The following CACNA2D1 variants were observed in gnomAD, a reference collection of about 807,000 sequenced individuals.
The protein encoded by CACNA2D1 is calcium voltage-gated channel auxiliary subunit alpha2delta 1.
In CACNA2D1, 53 loss-of-function variants were observed where a neutral mutation model predicts 171.5. That is an observed-to-expected ratio of 0.31 (90% CI 0.25 to 0.39). The LOEUF is 0.39. CACNA2D1 is among the 10% of genes least tolerant of loss of function. The pLI is 1.00. For synonymous variants in CACNA2D1, 442 were observed against 443.1 expected (o/e 1.00, Z 0.03); for missense variants, 903 against 1,299.8 (o/e 0.69, Z 4.69).
intron 1 of CACNA2D1, among the ~76,000 whole-genome samples, chr7:82,431,803 T>C (rs1442398526): frequency 1.3e-5 from 2 of 150,422 alleles, no homozygotes; most frequent in Non-Finnish European, 3.0e-5. Flanking sequence ...ACTTTGGAGG[T>C]TGAGGTGGGT....
At chr7:82,170,720 G>T in intron 3 of CACNA2D1, 111 bp from the exon 4 acceptor site, 2 of 927,704 alleles carry the variant, frequency 2.2e-6, no homozygotes, top group South Asian at 1.3e-5. Flanking sequence ...AGCAGAAGAT[G>T]ATCCTTATTT....
At chr7:82,197,044 GT>G (rs2129197766) in intron 3 of CACNA2D1, among the ~76,000 whole-genome samples, 1 of 152,008 alleles carries the variant, frequency 6.6e-6, no homozygotes, top group South Asian at 2.1e-4. Flanking sequence ...ATAAGAATCA[GT>G]GAAAAATTGT....
chr7:82,329,007 C>G (rs1387866545), intron 3 of CACNA2D1, among the ~76,000 whole-genome samples: 1 of 151,968 alleles, frequency 6.6e-6, no homozygotes, highest in Non-Finnish European at 1.5e-5. Flanking sequence ...TCTTGAGTTT[C>G]TTTCCACATT....
chr7:82,041,457 C>T (rs1803957463), intron 10 of CACNA2D1, among the ~76,000 whole-genome samples: 1 of 152,050 alleles, frequency 6.6e-6, no homozygotes, highest in Non-Finnish European at 1.5e-5. Context: ...TCTCCTTTAA[C>T]AATGAGGCAA....
intron 3 of CACNA2D1, among the ~76,000 whole-genome samples, chr7:82,240,020 G>T (rs1439149631): frequency 1.3e-5 from 2 of 152,152 alleles, no homozygotes; most frequent in African/African-American, 4.8e-5. Context: ...GCTTAGCTAA[G>T]AATTGACATA....
At chr7:82,248,709 G>A (rs3801705) in intron 3 of CACNA2D1, among the ~76,000 whole-genome samples, 62,964 of 151,752 alleles carry the variant, frequency 0.41, 13,567 homozygotes, top group African/African-American at 0.54. Context: ...TGATGCAGTA[G>A]ATCAAAATCC....
chr7:81,966,121 A>G (rs1199467150), intron 31 of CACNA2D1, among the ~76,000 whole-genome samples: 3 of 151,798 alleles, frequency 2.0e-5, no homozygotes, highest in Non-Finnish European at 4.4e-5. Flanking sequence ...ATTTATAATT[A>G]TTTCATATTT....
At chr7:81,964,765 T>C (rs186903743) in intron 32 of CACNA2D1, among the ~76,000 whole-genome samples, 1 of 152,018 alleles carries the variant, frequency 6.6e-6, no homozygotes, top group Admixed American at 6.6e-5. Flanking sequence ...TACTGTGTTG[T>C]CTACCAGAAA....
rs551797425 is a variant in CACNA2D1 at position 81,982,641 on chromosome 7, G to A, written c.1895-14C>T. ...GGGTTTCCGAATCTGCAAAGATAATGTTACAGGATTAGATAGGTAATTCAG... is the reference window on the plus strand; with the variant it reads ...GGGTTTCCGAATCTGCAAAGATAATATTACAGGATTAGATAGGTAATTCAG... On this transcript the variant is annotated splice_polypyrimidine_tract_variant and intron_variant, in intron 23 of 38. Transcript: ENST00000356860. The A allele has an allele frequency of 1.0e-5, 16 of 1,535,740 alleles. No individual in the cohort carries two copies. Among genetic ancestry groups the A allele is most frequent in the South Asian group, 4.5e-5 (4 of 89,456 alleles).
intron 3 of CACNA2D1, among the ~76,000 whole-genome samples, chr7:82,297,394 G>A (rs1319314668): frequency 1.3e-5 from 2 of 152,128 alleles, no homozygotes; most frequent in African/African-American, 4.8e-5. Context: ...CTTTGTGGGG[G>A]GAGATGTTGA....
chr7:82,154,084 A>G (rs1229265825), intron 4 of CACNA2D1, among the ~76,000 whole-genome samples: 3 of 152,148 alleles, frequency 2.0e-5, no homozygotes, highest in Non-Finnish European at 4.4e-5. Flanking sequence ...GCCATGAGCA[A>G]TAAGCTTCTG....
intron 3 of CACNA2D1, among the ~76,000 whole-genome samples, chr7:82,238,907 A>T (rs1803920940): frequency 6.6e-6 from 1 of 152,110 alleles, no homozygotes; most frequent in East Asian, 1.9e-4. Flanking sequence ...TCATTTTATT[A>T]TTCTCAAAAC....
chr7:82,291,636 T>G (rs1811633866), intron 3 of CACNA2D1, among the ~76,000 whole-genome samples: 1 of 143,344 alleles, frequency 7.0e-6, no homozygotes, highest in Non-Finnish European at 1.5e-5. Context: ...TATATCTATC[T>G]GTGTGTGTGT....
intron 3 of CACNA2D1, among the ~76,000 whole-genome samples, chr7:82,329,769 T>G (rs1193953179): frequency 6.6e-6 from 1 of 151,998 alleles, no homozygotes; most frequent in African/African-American, 2.4e-5. Flanking sequence ...ACGTAGCAAA[T>G]GTCAGAAAAA....
intron 3 of CACNA2D1, among the ~76,000 whole-genome samples, chr7:82,267,279 G>A (rs117732236): frequency 6.6e-5 from 10 of 152,240 alleles, no homozygotes; most frequent in African/African-American, 1.4e-4. Context: ...GTGAGTGTGC[G>A]TGTATAAAAT....
intron 3 of CACNA2D1, among the ~76,000 whole-genome samples, chr7:82,187,671 T>C (rs1317003334): frequency 6.6e-6 from 1 of 152,192 alleles, no homozygotes; most frequent in African/African-American, 2.4e-5. Flanking sequence ...ATTAAATCAG[T>C]CAATGCAGAT....
intron 1 of CACNA2D1, among the ~76,000 whole-genome samples, chr7:82,402,786 C>G (rs1193585843): frequency 3.1e-5 from 4 of 129,956 alleles, no homozygotes; most frequent in Non-Finnish European, 6.6e-5. Flanking sequence ...ATCCTTTAAA[C>G]AAGTCAACTG....
intron 10 of CACNA2D1, among the ~76,000 whole-genome samples, chr7:82,044,035 C>T (rs1804257006): frequency 6.6e-6 from 1 of 152,180 alleles, no homozygotes; most frequent in Admixed American, 6.5e-5. Context: ...CCCACTCAAC[C>T]TGTCTTTTTA....
At chr7:82,313,988 T>A (rs1814788211) in intron 3 of CACNA2D1, among the ~76,000 whole-genome samples, 1 of 152,178 alleles carries the variant, frequency 6.6e-6, no homozygotes, top group South Asian at 2.1e-4. Flanking sequence ...TGCAAACTAC[T>A]GTAGTAAACA....
Sources: gnomAD v4.1 joint callset for allele counts (sites outside exome capture counted in the v4.1 genomes callset) on GRCh38, gnomAD v4.1.1 for gene constraint, MANE v1.5 for transcripts, NCBI Gene and HGNC (gene_info 2026-07-23, HGNC 2026-07-21) for gene names.